The following UBR1 variants were observed in gnomAD, a reference collection of about 807,000 sequenced individuals.
The protein encoded by UBR1 is ubiquitin protein ligase E3 component n-recognin 1.
In UBR1, 102 loss-of-function variants were observed where a neutral mutation model predicts 242.1. That is an observed-to-expected ratio of 0.42 (90% CI 0.36 to 0.50). UBR1 has a LOEUF of 0.50. Among genes scored for constraint, UBR1 ranks in the 20% least tolerant of loss-of-function variants. The pLI, the probability that UBR1 is intolerant of heterozygous loss-of-function variation, is 0.01. For missense variants in UBR1, 1,772 were observed against 2,101.8 expected (o/e 0.84, Z 3.07); for synonymous variants, 675 against 684.8 (o/e 0.99, Z 0.22).
Position 43,024,840 on chromosome 15 carries a change from T to C in UBR1, c.2728A>G (p.Met910Val), listed in dbSNP as rs763778855. ...TCAGGTAAACAAACCATTTGGAGCA[T>C]CCCTTCGGTCCACAAGTTAGAATCT... Reference protein sequence around the residue: ...DTDSNLWTEGMLQMAFHILAL... With the variant: ...DTDSNLWTEGVLQMAFHILAL... Residue 910 changes from methionine (M) to valine (V), a missense_variant, in exon 25 of 47, where the codon ATG (methionine) becomes GTG (valine). This residue lies in a region of UBR1 where 965 missense variants were observed against 1,079.7 expected (regional missense o/e 0.89). Transcript: ENST00000290650. The C allele has an allele frequency of 1.2e-6, 2 of 1,614,178 alleles. No individual in the cohort carries two copies. The highest frequency in any genetic ancestry group is 1.7e-6 in the Non-Finnish European group (2 of 1,180,016).
intron 15 of UBR1, among the ~76,000 whole-genome samples, chr15:43,041,951 A>G (rs2033424586): frequency 6.6e-6 from 1 of 152,206 alleles, no homozygotes; most frequent in African/African-American, 2.4e-5. Context: ...ATCACTAGGG[A>G]CACGCAAATC....
At chr15:43,085,712 T>TG (rs1055296101) in intron 2 of UBR1, among the ~76,000 whole-genome samples, 1 of 148,230 alleles carries the variant, frequency 6.7e-6, no homozygotes, top group African/African-American at 2.5e-5. Context: ...GGTGAAACCT[T>TG]GTCTCTACTA....
rs767097757 is a variant in UBR1, at chr15:43,036,615, A to C, written c.2023-22T>G. The stretch of plus-strand genomic sequence containing the variant: ...ACACCTATAAGGTAATAGGTAGAAT[A>C]AATCCTAAAAGAATTATTTTATTTC... On this transcript the variant is annotated intron_variant, in intron 17 of 46. Coordinates refer to ENST00000290650, the MANE Select transcript of UBR1 (RefSeq NM_174916.3). The C allele has an allele frequency of 6.2e-6, 9 of 1,449,814 alleles. No homozygotes were observed. In the South Asian group the frequency reaches 9.5e-5, roughly 15 times the overall value. The allele number at this position is 1,449,814 out of a possible 1,614,324, so 89.8% of individuals were successfully genotyped here. A position where few individuals can be genotyped will look rare whatever the true frequency, so the allele number is the denominator to read the frequency against.
intron 2 of UBR1, among the ~76,000 whole-genome samples, chr15:43,084,272 TG>T (rs1567147854): frequency 6.6e-6 from 1 of 152,088 alleles, no homozygotes; most frequent in Non-Finnish European, 1.5e-5. Context: ...ACACACTAGA[TG>T]CCAGTACCTT....
At chr15:42,970,715 G>T in intron 39 of UBR1, 108 bp from the exon 40 acceptor site, 2 of 1,012,812 alleles carry the variant, frequency 2.0e-6, no homozygotes, top group African/African-American at 1.6e-5. Flanking sequence ...TCATTCAACT[G>T]AGGTTCTTTC....
intron 38 of UBR1, 48 bp downstream of exon 38, chr15:42,977,832 A>G (rs2032313932): frequency 6.8e-7 from 1 of 1,476,762 alleles, no homozygotes; most frequent in African/African-American, 1.4e-5. Context: ...AGGAAAATAC[A>G]AGAAATTATC....
rs1239608034 is a variant in UBR1 at position 43,015,862 on chromosome 15, T to C, written c.3035A>G (p.His1012Arg). The C allele has an allele frequency of 1.9e-6, 3 of 1,613,960 alleles. No individual in the cohort carries two copies. The highest frequency in any genetic ancestry group is 2.2e-5 in the South Asian group (2 of 91,074). The change falls in exon 29 of 47, where the codon CAT (histidine) becomes CGT (arginine). Residue 1012 changes from histidine (H) to arginine (R), a missense_variant. By Grantham distance (29) the His-to-Arg change is conservative. Around this residue, in one of 3 missense-constraint regions of UBR1, gnomAD observed 965 missense variants for 1,079.7 expected, o/e 0.89. Coordinates refer to ENST00000290650, the MANE Select transcript of UBR1 (RefSeq NM_174916.3). ...TTTTCGTTCTGCTTTTTCTTTATCA[T>C]GAGTAATCTGGGTATTAAGAAATGA... is the stretch of plus-strand genomic sequence containing the variant. Reference protein sequence around the residue: ...SESIKNDEITHDKEKAERKRK... With the variant: ...SESIKNDEITRDKEKAERKRK...
intron 35 of UBR1, among the ~76,000 whole-genome samples, chr15:42,987,350 C>G (rs1475736676): frequency 6.6e-6 from 1 of 152,106 alleles, no homozygotes; most frequent in Non-Finnish European, 1.5e-5. Flanking sequence ...CTGCCTTTGC[C>G]AAGGCACTGA....
chr15:43,095,903 T>C (rs1384875741), intron 1 of UBR1, among the ~76,000 whole-genome samples: 1 of 152,182 alleles, frequency 6.6e-6, no homozygotes, highest in Non-Finnish European at 1.5e-5. Flanking sequence ...ACTACCACAA[T>C]AGAGTGAACA....
rs192769125 is a variant in UBR1, at chr15:42,960,183, G to A, written c.4757+462C>T. On this transcript the variant is annotated intron_variant, in intron 43 of 46. Coordinates refer to ENST00000290650, the MANE Select transcript of UBR1 (RefSeq NM_174916.3). ...TAGATTTTGTTAGAGACAACTTAAG[G>A]GAGATAAGAGGGCTGAAGAAAAGTT... Among the ~76,000 whole-genome samples the A allele has an allele frequency of 2.6e-4, 40 of 152,220 alleles. 1 individual carries two copies. The highest frequency in any genetic ancestry group is 2.5e-3 in the Admixed American group (38 of 15,292).
intron 12 of UBR1, among the ~76,000 whole-genome samples, chr15:43,051,550 G>A (rs952065493): frequency 6.6e-6 from 1 of 152,092 alleles, no homozygotes; most frequent in Non-Finnish European, 1.5e-5. Context: ...TAACAAGCCT[G>A]CACATGTACC....
At position 43,047,302 on chromosome 15, in the gene UBR1, G is replaced by A. The variant is rs1300752485; in HGVS notation, c.1540-13C>T. ...TTTCTTCCATTCCCTGCAATTACAA[G>A]TTGGTCAACATACACCTATCTGAGC... On this transcript the variant is annotated splice_polypyrimidine_tract_variant and intron_variant, in intron 13 of 46. Coordinates refer to ENST00000290650, the MANE Select transcript of UBR1 (RefSeq NM_174916.3). The A allele has an allele frequency of 1.2e-6, 2 of 1,614,078 alleles. No homozygotes were observed. The highest frequency in any genetic ancestry group is 1.7e-6 in the Non-Finnish European group (2 of 1,179,980).
chr15:42,989,027 C>T (rs2032517233), intron 34 of UBR1, 60 bp from the exon 35 acceptor site: 2 of 1,393,736 alleles, frequency 1.4e-6, no homozygotes, highest in Non-Finnish European at 2.0e-6. Flanking sequence ...AGTAAGAAGT[C>T]CAATTAAGTC....
At chr15:42,990,366 T>C (rs2032536497) in intron 33 of UBR1, among the ~76,000 whole-genome samples, 1 of 152,104 alleles carries the variant, frequency 6.6e-6, no homozygotes, top group Non-Finnish European at 1.5e-5. Flanking sequence ...TTTGTAAAGA[T>C]GGGGTCTTCC....
chr15:43,015,893 T>C (rs771710228), intron 28 of UBR1, 24 bp from the exon 29 acceptor site: 36 of 1,608,532 alleles, frequency 2.2e-5, no homozygotes, highest in Non-Finnish European at 2.4e-5. Context: ...AATGACAAAT[T>C]TAGGTAAGAT....
chr15:42,983,627 T>C (rs965058819), intron 37 of UBR1, among the ~76,000 whole-genome samples: 2 of 150,262 alleles, frequency 1.3e-5, no homozygotes, highest in Non-Finnish European at 3.0e-5. Flanking sequence ...ATTGCGCCAT[T>C]GCTCTCCAGC....
chr15:42,984,080 C>A, intron 36 of UBR1, 87 bp from the exon 37 acceptor site: 2 of 991,102 alleles, frequency 2.0e-6, no homozygotes, highest in Non-Finnish European at 3.1e-6. Context: ...AAAACCAACT[C>A]TAGTTTGTCG....
chr15:43,079,599 G>A (rs2033950498), intron 3 of UBR1, among the ~76,000 whole-genome samples: 2 of 152,100 alleles, frequency 1.3e-5, no homozygotes, highest in African/African-American at 4.8e-5. Context: ...CTAACACGGT[G>A]AAACCCCGTC....
intron 44 of UBR1, 74 bp downstream of exon 44, chr15:42,957,939 G>T: frequency 8.0e-7 from 1 of 1,255,702 alleles, no homozygotes; most frequent in Non-Finnish European, 1.2e-6. Context: ...AAGTGTGTTA[G>T]TTATGGCATA....
Sources: allele counts gnomAD v4.1 joint callset (sites outside exome capture counted in the v4.1 genomes callset), GRCh38; gene constraint gnomAD v4.1.1; regional missense constraint gnomAD v4.1.1; transcripts MANE v1.5; gene names NCBI Gene and HGNC (gene_info 2026-07-23, HGNC 2026-07-21).